The following UGDH variants were observed in gnomAD, a reference collection of about 807,000 sequenced individuals.
UGDH encodes the protein UDP-glucose 6-dehydrogenase, also known as UDP-Glc dehydrogenase.
In UGDH, 38 loss-of-function variants were observed where a neutral mutation model predicts 50.6. The ratio of observed to expected loss-of-function variants is 0.75; its 90% CI spans 0.58 to 0.98. The LOEUF is 0.98. Among genes scored for constraint, UGDH ranks in the 50% least tolerant of loss-of-function variants. The pLI is 0.00. For missense variants in UGDH, 465 were observed against 606.2 expected (o/e 0.77, Z 2.45); for synonymous variants, 168 against 199.9 (o/e 0.84, Z 1.35).
At chr4:39,510,978 CCT>C in intron 3 of UGDH, 117 bp from the exon 4 acceptor site, 1 of 901,494 alleles carries the variant, frequency 1.1e-6, no homozygotes, top group Non-Finnish European at 1.8e-6. Flanking sequence ...CTGATTTAAT[CCT>C]CTGTTAGTTC....
chr4:39,505,771 G>A lies in UGDH; in HGVS notation c.907-23C>T, dbSNP rs776796834. The A allele has an allele frequency of 5.1e-6, 8 of 1,583,652 alleles. No homozygotes were observed. The Admixed American group carries it at 8.7e-5, about 17-fold the overall frequency. On this transcript the variant is annotated intron_variant, in intron 7 of 11. Coordinates refer to ENST00000316423, the MANE Select transcript of UGDH (RefSeq NM_003359.4). ...GACCTGAAATTACATGTACAATTGTGCAATGATTAGTTAAAAGAGGCACAG... is the reference window on the plus strand; with the variant it reads ...GACCTGAAATTACATGTACAATTGTACAATGATTAGTTAAAAGAGGCACAG...
Position 39,527,352 on chromosome 4 carries a change from GCGC to G in UGDH, c.-80_-78del, listed in dbSNP as rs937396562. Reference sequence around the variant, plus strand: ...TTCGGACAGCACCTTCCTACGGGCCGCGCCGCCGCAGCTTCTCCACCCGCGCCC... The same window carrying G: ...TTCGGACAGCACCTTCCTACGGGCCGCGCCGCAGCTTCTCCACCCGCGCCC... On this transcript the variant is annotated 5_prime_UTR_variant, in exon 1 of 12. Transcript: ENST00000316423. 1 of 244,358 alleles carries G rather than the reference GCGC, an allele frequency of 4.1e-6. No homozygotes were observed. The highest frequency in any genetic ancestry group is 8.4e-6 in the Non-Finnish European group (1 of 118,504). The allele number at this position is 244,358 out of a possible 1,614,324, so 15.1% of individuals were successfully genotyped here.
At chr4:39,505,168 T>C in intron 9 of UGDH, 69 bp downstream of exon 9, 4 of 1,505,866 alleles carry the variant, frequency 2.7e-6, no homozygotes, top group Non-Finnish European at 2.7e-6. Flanking sequence ...CTGAACAACC[T>C]AAGGTTTCCA....
chr4:39,527,386 G>C lies in UGDH; in HGVS notation c.-111C>G, dbSNP rs911896104. On this transcript the variant is annotated 5_prime_UTR_variant, in exon 1 of 12. The change creates a new upstream start codon in the 5' untranslated region. Coordinates refer to ENST00000316423, the MANE Select transcript of UGDH (RefSeq NM_003359.4). ...CAGCTTCTCCACCCGCGCCCCGCTC[G>C]ATCTGAGCTCCCTCTCGGCGCACGC... is the stretch of plus-strand genomic sequence containing the variant. 3.8e-6 allele frequency: 1 copy of C among 261,514 alleles called. No individual in the cohort carries two copies. Among genetic ancestry groups the C allele is most frequent in the South Asian group, 3.6e-5 (1 of 27,826 alleles). 16.2% of individuals were successfully genotyped at this position (261,514 alleles called of 1,614,324 possible). A position where few individuals can be genotyped will look rare whatever the true frequency, so the allele number is the denominator to read the frequency against.
chr4:39,510,034 T>C (rs750917129), intron 5 of UGDH, 127 bp from the exon 6 acceptor site: 13 of 1,112,884 alleles, frequency 1.2e-5, no homozygotes, highest in Non-Finnish European at 1.6e-5. Flanking sequence ...TGAGCTCAAT[T>C]TGAGGAGACA....
chr4:39,502,034 T>C (rs1456002323), intron 11 of UGDH, among the ~76,000 whole-genome samples: 1 of 152,228 alleles, frequency 6.6e-6, no homozygotes, highest in East Asian at 1.9e-4. Context: ...TATTTAGTGA[T>C]TCCATTCCTG....
Position 39,500,078 on chromosome 4 carries a change from T to C in UGDH, c.*65A>G. The C allele has an allele frequency of 4.3e-6, 4 of 919,976 alleles. No homozygotes were observed. Among genetic ancestry groups the C allele is most frequent in the South Asian group, 1.8e-5 (1 of 56,558 alleles). 57.0% of individuals were successfully genotyped at this position (919,976 alleles called of 1,614,324 possible). ...GGTTCATTTACCATTTAATAGCAGA[T>C]AGATATTTGCTATCCTGAAGTACCA... On this transcript the variant is annotated 3_prime_UTR_variant, in exon 12 of 12. Coordinates refer to ENST00000316423, the MANE Select transcript of UGDH (RefSeq NM_003359.4).
Position 39,510,356 on chromosome 4 carries a change from T to C in UGDH, c.660A>G (p.Lys220=), listed in dbSNP as rs1302847804. The C allele has an allele frequency of 1.2e-6, 2 of 1,614,192 alleles. No homozygotes were observed. Among genetic ancestry groups the C allele is most frequent in the Non-Finnish European group, 1.7e-6 (2 of 1,180,012 alleles). Residue 220 remains lysine, a synonymous_variant, in exon 5 of 12, where the codon AAA becomes AAG. Transcript: ENST00000316423. ...TTNTWSSELS[K]LAANAFLAQR... ...GAGTTGAATGCTATATACTAACCAG[T>C]TTGGAAAGCTCTGAAGACCAAGTAT...
At position 39,500,223 on chromosome 4, in the gene UGDH, T is replaced by C. The variant is rs767319348; in HGVS notation, c.1405A>G (p.Lys469Glu). The stretch of plus-strand genomic sequence containing the variant: ...CCAGAAGGAGCATATGGAATTCTCT[T>C]TGAAGACACCTTTTTGCCAATTGTT... ...IETIGKKVSS[K>E]RIPYAPSGEI... The change falls in exon 12 of 12, where the codon AAG (lysine) becomes GAG (glutamate). Residue 469 changes from lysine to glutamate, a missense_variant. Coordinates refer to ENST00000316423, the MANE Select transcript of UGDH (RefSeq NM_003359.4). 1.9e-6 allele frequency: 3 copies of C among 1,600,910 alleles called. No individual in the cohort carries two copies. The highest frequency in any genetic ancestry group is 3.4e-5 in the Admixed American group (2 of 59,336).
intron 2 of UGDH, among the ~76,000 whole-genome samples, chr4:39,518,936 A>T (rs1746537690): frequency 6.6e-6 from 1 of 152,172 alleles, no homozygotes; most frequent in Non-Finnish European, 1.5e-5. Context: ...ACTTATTTGG[A>T]GACAGAGTTT....
intron 7 of UGDH, among the ~76,000 whole-genome samples, chr4:39,506,220 C>T (rs1746018338): frequency 9.1e-6 from 1 of 110,242 alleles, no homozygotes; most frequent in Non-Finnish European, 1.8e-5. Flanking sequence ...AGAGCCAGAC[C>T]CTGCCGTAAA....
intron 3 of UGDH, 132 bp downstream of exon 3, chr4:39,513,951 C>A: frequency 2.9e-6 from 2 of 700,288 alleles, no homozygotes; most frequent in Non-Finnish European, 4.6e-6. Context: ...AAGTGACAAC[C>A]AAAATTCACC....
chr4:39,524,887 C>G (rs554354286), intron 1 of UGDH, among the ~76,000 whole-genome samples: 1 of 152,322 alleles, frequency 6.6e-6, no homozygotes, highest in African/African-American at 2.4e-5. Context: ...ATTGTGAGAC[C>G]ACATTTCAAC....
chr4:39,525,846 CTCTA>C (rs1746867053), intron 1 of UGDH, among the ~76,000 whole-genome samples: 1 of 152,232 alleles, frequency 6.6e-6, no homozygotes, highest in Non-Finnish European at 1.5e-5. Context: ...CCCTCTGGCC[CTCTA>C]TTCTGCTGTC....
At chr4:39,523,053 G>A (rs929774064) in intron 1 of UGDH, among the ~76,000 whole-genome samples, 8 of 151,828 alleles carry the variant, frequency 5.3e-5, no homozygotes, top group African/African-American at 1.9e-4. Context: ...GAGCCACCAC[G>A]GTATTTATTT....
chr4:39,505,801 T>C, intron 7 of UGDH, 53 bp from the exon 8 acceptor site: 3 of 1,539,668 alleles, frequency 1.9e-6, no homozygotes, highest in African/African-American at 1.4e-5. Flanking sequence ...GCACAGCCTA[T>C]GACACACATT....
At chr4:39,508,760 AT>A (rs1228084284) in intron 6 of UGDH, 100 bp from the exon 7 acceptor site, 2 of 980,312 alleles carry the variant, frequency 2.0e-6, no homozygotes, top group Non-Finnish European at 2.9e-6. Context: ...TTATACTAAG[AT>A]TTTTTAATAA....
chr4:39,501,797 A>G (rs1357999214), intron 11 of UGDH, among the ~76,000 whole-genome samples: 1 of 152,212 alleles, frequency 6.6e-6, no homozygotes, highest in Non-Finnish European at 1.5e-5. Flanking sequence ...GGTTTTGCCT[A>G]TTACATTTTT....
chr4:39,515,479 T>C (rs1381030289), intron 2 of UGDH, among the ~76,000 whole-genome samples: 4 of 137,382 alleles, frequency 2.9e-5, no homozygotes, highest in Non-Finnish European at 6.3e-5. Context: ...CTAAGTCCTA[T>C]TGCAAGGAAC....
Sources: gnomAD v4.1 joint callset for allele counts (sites outside exome capture counted in the v4.1 genomes callset) on GRCh38, gnomAD v4.1.1 for gene constraint, MANE v1.5 for transcripts, NCBI Gene and HGNC (gene_info 2026-07-23, HGNC 2026-07-21) for gene names.